The following ST8SIA1 variants were observed in gnomAD, a reference collection of about 807,000 sequenced individuals.
ST8SIA1 encodes alpha-N-acetylneuraminide alpha-2,8-sialyltransferase.
Under a neutral mutation model 35.9 loss-of-function variants are expected in ST8SIA1, and 16 were observed. The ratio of observed to expected loss-of-function variants is 0.45; its 90% confidence interval spans 0.30 to 0.68. The LOEUF is 0.68. Among genes scored for constraint, ST8SIA1 ranks in the 30% least tolerant of loss-of-function variants. ST8SIA1 has a pLI of 0.09. For synonymous variants in ST8SIA1, 170 were observed against 169.6 expected (o/e 1.00, Z -0.02); for missense variants, 383 against 453.6 (o/e 0.84, Z 1.41).
chr12:22,260,874 G>GTTTTTTTT (rs757887864), intron 2 of ST8SIA1, among the ~76,000 whole-genome samples: 5 of 114,366 alleles, frequency 4.4e-5, no homozygotes, highest in Admixed American at 9.4e-5. Flanking sequence ...TATAGTTGTT[G>GTTTTTTTT]TTTTTTTTTT....
chr12:22,322,172 C>T (rs1427655966), intron 1 of ST8SIA1, among the ~76,000 whole-genome samples: 2 of 152,152 alleles, frequency 1.3e-5, no homozygotes, highest in Non-Finnish European at 2.9e-5. Flanking sequence ...GAATCAAATA[C>T]AGGCAGACAC....
At chr12:22,237,295 C>A (rs1353019321) in intron 4 of ST8SIA1, among the ~76,000 whole-genome samples, 2 of 152,048 alleles carry the variant, frequency 1.3e-5, no homozygotes, top group Non-Finnish European at 2.9e-5. Context: ...TAAGGTCTCA[C>A]TATATGGCCC....
At position 22,201,599 on chromosome 12, in the gene ST8SIA1, T is replaced by A. The variant is rs761377921; in HGVS notation, c.1024A>T (p.Met342Leu). Residue 342 changes from methionine (M) to leucine (L), a missense_variant, in exon 5 of 5, where the codon ATG becomes TTG. Transcript: ENST00000396037. ...WYLHKIGALRMQLDPCEDTSL... is the reference protein window; with the variant it reads ...WYLHKIGALRLQLDPCEDTSL... Reference sequence around the variant, plus strand: ...GTATCTTCACATGGGTCCAGCTGCATTCTCAGTGCACCGATTTTATGAAGA... The same window carrying A: ...GTATCTTCACATGGGTCCAGCTGCAATCTCAGTGCACCGATTTTATGAAGA... 3 of 1,613,754 alleles carry A rather than the reference T, an allele frequency of 1.9e-6. No homozygotes were observed. The highest frequency in any genetic ancestry group is 2.5e-6 in the Non-Finnish European group (3 of 1,179,880).
At chr12:22,296,097 G>A (rs1565589549) in intron 1 of ST8SIA1, among the ~76,000 whole-genome samples, 1 of 152,148 alleles carries the variant, frequency 6.6e-6, no homozygotes, top group Non-Finnish European at 1.5e-5. Context: ...ATTCCAGATA[G>A]ATCAAAGAAC....
chr12:22,263,180 TTATC>T (rs1227443947), intron 2 of ST8SIA1, among the ~76,000 whole-genome samples: 1 of 152,188 alleles, frequency 6.6e-6, no homozygotes, highest in Admixed American at 6.5e-5. Flanking sequence ...ATTTCAACAA[TTATC>T]TAAGCAACGA....
chr12:22,289,612 A>C (rs941728067), intron 1 of ST8SIA1, among the ~76,000 whole-genome samples: 2 of 152,190 alleles, frequency 1.3e-5, no homozygotes, highest in Non-Finnish European at 2.9e-5. Flanking sequence ...AATTTATCTC[A>C]GGTCACGTAA....
Position 22,308,091 on chromosome 12 carries a change from T to C in ST8SIA1, c.237-20798A>G, listed in dbSNP as rs147893055. Reference sequence around the variant, plus strand: ...CAGGCATGTGCCACCACACCCAGATTACCAAGTAAATTTTTGATGGTGGTT... The same window carrying C: ...CAGGCATGTGCCACCACACCCAGATCACCAAGTAAATTTTTGATGGTGGTT... On this transcript the variant is annotated intron_variant, in intron 1 of 4. Coordinates refer to ENST00000396037, the MANE Select transcript of ST8SIA1 (RefSeq NM_003034.4). Among the ~76,000 whole-genome samples the C allele has an allele frequency of 7.8e-3, 1,188 of 152,308 alleles. 13 individuals are homozygous for C. Among genetic ancestry groups the C allele is most frequent in the African/African-American group, 0.027 (1,131 of 41,582 alleles).
At chr12:22,270,301 G>A (rs923812224) in intron 2 of ST8SIA1, among the ~76,000 whole-genome samples, 1 of 152,138 alleles carries the variant, frequency 6.6e-6, no homozygotes, top group African/African-American at 2.4e-5. Context: ...GATAATGCAT[G>A]CAAAACATTT....
chr12:22,334,039 C>T lies in ST8SIA1; in HGVS notation c.194G>A (p.Gly65Asp). 1.2e-6 allele frequency: 2 copies of T among 1,614,072 alleles called. No individual in the cohort carries two copies. The highest frequency in any genetic ancestry group is 1.7e-6 in the Non-Finnish European group (2 of 1,180,022). Residue 65 changes from glycine to aspartate, a missense_variant, in exon 1 of 5, where the codon GGC becomes GAC. Gly to Asp is a moderately conservative substitution (Grantham distance 94, BLOSUM62 -1). Transcript: ENST00000396037. ...GGTCTGGTTCCTCCTCCACGCCGTG[C>T]CCTGTTGCAGCACCCCCTGCACGAT... The part of the protein sequence containing the change: ...KEIVQGVLQQ[G>D]TAWRRNQTAA...
At chr12:22,250,899 C>G (rs1162188670) in intron 3 of ST8SIA1, 1 of 152,212 alleles carries the variant, frequency 6.6e-6, no homozygotes, top group Non-Finnish European at 1.5e-5. Flanking sequence ...AAAGCAAACA[C>G]AGTGGGCATT....
At chr12:22,217,732 C>CATCATCACCACATCATCATT (rs1196258250) in intron 4 of ST8SIA1, among the ~76,000 whole-genome samples, 10 of 152,208 alleles carry the variant, frequency 6.6e-5, no homozygotes, top group Non-Finnish European at 1.2e-4. Context: ...CTTTCATCAT[C>CATCATCACCACATCATCATT]ATCATCACCA....
At chr12:22,297,715 T>G (rs976167872) in intron 1 of ST8SIA1, among the ~76,000 whole-genome samples, 3 of 152,188 alleles carry the variant, frequency 2.0e-5, no homozygotes, top group Non-Finnish European at 2.9e-5. Context: ...AATCTTATTC[T>G]GGGAGCTAGA....
intron 1 of ST8SIA1, chr12:22,325,549 A>G (rs1024890284): frequency 1.2e-5 from 8 of 695,324 alleles, no homozygotes; most frequent in Non-Finnish European, 2.1e-5. Flanking sequence ...AAGCCTTGGA[A>G]CCCCATGTTA....
intron 1 of ST8SIA1, among the ~76,000 whole-genome samples, chr12:22,313,813 C>A (rs74394530): frequency 0.018 from 2,713 of 152,274 alleles, 36 homozygotes; most frequent in Non-Finnish European, 0.028. Flanking sequence ...TATGGACTGA[C>A]CAATCAGTGT....
At chr12:22,283,545 C>A (rs1866061295) in intron 2 of ST8SIA1, among the ~76,000 whole-genome samples, 1 of 152,156 alleles carries the variant, frequency 6.6e-6, no homozygotes, top group Non-Finnish European at 1.5e-5. Context: ...ACCGTCCTCC[C>A]CAAATACAAA....
chr12:22,235,799 G>A (rs1865470669), intron 4 of ST8SIA1, among the ~76,000 whole-genome samples: 1 of 152,044 alleles, frequency 6.6e-6, no homozygotes, highest in African/African-American at 2.4e-5. Context: ...CCCTAGGAGG[G>A]TTATATTCTC....
At position 22,202,153 on chromosome 12, in the gene ST8SIA1, T is replaced by G. The variant is rs1484662870; in HGVS notation, c.585-115A>C. Reference sequence around the variant, plus strand: ...CCTCAAATCATCTCAATGAAACACATGAAAAACACTTTATTTGTATTTAAA... The same window carrying G: ...CCTCAAATCATCTCAATGAAACACAGGAAAAACACTTTATTTGTATTTAAA... On this transcript the variant is annotated intron_variant, in intron 4 of 4. Transcript: ENST00000396037. 4.7e-6 allele frequency: 4 copies of G among 844,114 alleles called. No homozygotes were observed. In the African/African-American group the frequency reaches 5.1e-5, roughly 11 times the overall value. 52.3% of individuals were successfully genotyped at this position (844,114 alleles called of 1,614,324 possible). A position where few individuals can be genotyped will look rare whatever the true frequency, so the allele number is the denominator to read the frequency against.
intron 2 of ST8SIA1, among the ~76,000 whole-genome samples, chr12:22,284,890 A>G (rs1218743235): frequency 6.6e-6 from 1 of 152,226 alleles, no homozygotes; most frequent in Non-Finnish European, 1.5e-5. Context: ...TTTCTAATAC[A>G]AAGTTAGAAT....
intron 1 of ST8SIA1, among the ~76,000 whole-genome samples, chr12:22,316,806 G>A (rs895689678): frequency 6.6e-6 from 1 of 152,104 alleles, no homozygotes; most frequent in African/African-American, 2.4e-5. Flanking sequence ...TAAGACACAT[G>A]AATGTGCCCC....
Sources: allele counts gnomAD v4.1 joint callset (sites outside exome capture counted in the v4.1 genomes callset), GRCh38; gene constraint gnomAD v4.1.1; transcripts MANE v1.5; gene names NCBI Gene and HGNC (gene_info 2026-07-23, HGNC 2026-07-21).